Variants in CSMD1 observed in about 807,000 individuals in gnomAD.
CSMD1 encodes CUB and Sushi multiple domains 1, also known as CUB and sushi domain-containing protein 1.
In CSMD1, 213 loss-of-function variants were observed where a neutral mutation model predicts 417.5. The ratio of observed to expected loss-of-function variants is 0.51; its 90% confidence interval spans 0.46 to 0.57. The LOEUF is 0.57. Among genes scored for constraint, CSMD1 ranks in the 20% least tolerant of loss-of-function variants. The pLI, the probability that CSMD1 is intolerant of heterozygous loss-of-function variation, is 0.00. For synonymous variants in CSMD1, 2,862 were observed against 1,736.8 expected (o/e 1.65, Z -16.11); for missense variants, 6,923 against 4,529.7 (o/e 1.53, Z -15.17).
chr8:3,331,162 C>G (rs994623846), intron 23 of CSMD1, among the ~76,000 whole-genome samples: 2 of 149,080 alleles, frequency 1.3e-5, no homozygotes, highest in South Asian at 4.3e-4. Context: ...GGTGTGAACC[C>G]GGGAGGTGGA....
intron 3 of CSMD1, among the ~76,000 whole-genome samples, chr8:4,309,143 G>C (rs546862133): frequency 1.3e-5 from 2 of 152,224 alleles, no homozygotes; most frequent in South Asian, 4.1e-4. Flanking sequence ...TGCACACACA[G>C]GCCAATTCAA....
At chr8:4,867,820 G>A (rs888999410) in intron 1 of CSMD1, among the ~76,000 whole-genome samples, 25 of 151,928 alleles carry the variant, frequency 1.6e-4, no homozygotes, top group Non-Finnish European at 1.2e-4. Context: ...TACTACATGT[G>A]GCAACATTTA....
intron 26 of CSMD1, among the ~76,000 whole-genome samples, chr8:3,275,283 T>C (rs1802191831): frequency 6.6e-6 from 1 of 152,220 alleles, no homozygotes; most frequent in South Asian, 2.1e-4. Context: ...TTGTAGAGTT[T>C]CTGTCAAGAG....
intron 11 of CSMD1, among the ~76,000 whole-genome samples, chr8:3,492,892 T>C (rs896372630): frequency 3.3e-5 from 5 of 152,046 alleles, no homozygotes; most frequent in African/African-American, 1.2e-4. Context: ...GAAAGGTGTA[T>C]GGCATTATTC....
intron 1 of CSMD1, among the ~76,000 whole-genome samples, chr8:4,740,684 C>G (rs926411529): frequency 6.6e-6 from 1 of 152,170 alleles, no homozygotes; most frequent in Non-Finnish European, 1.5e-5. Context: ...AGAATCTACT[C>G]AAGGAGGGTG....
At chr8:3,602,313 C>T (rs893765793) in intron 8 of CSMD1, among the ~76,000 whole-genome samples, 1 of 152,116 alleles carries the variant, frequency 6.6e-6, no homozygotes, top group African/African-American at 2.4e-5. Flanking sequence ...TAGGGCAGAT[C>T]AATGAACACT....
chr8:4,649,766 C>T (rs980088363), intron 1 of CSMD1, among the ~76,000 whole-genome samples: 5 of 152,208 alleles, frequency 3.3e-5, no homozygotes, highest in African/African-American at 9.7e-5. Flanking sequence ...GTAGGCATTT[C>T]AGAAACTAAT....
intron 56 of CSMD1, among the ~76,000 whole-genome samples, chr8:2,974,121 G>A (rs922432405): frequency 6.6e-6 from 1 of 151,910 alleles, no homozygotes; most frequent in African/African-American, 2.4e-5. Flanking sequence ...GATGATGGTA[G>A]AGGGAGGGAA....
In CSMD1 at chr8:4,072,790, T is replaced by C. The variant is rs116016678; in HGVS notation, c.416-40691A>G. On this transcript the variant is annotated intron_variant, in intron 3 of 69. Transcript: ENST00000635120. ...ACATGGAGCCTCACAGTCATGGAAATTGAGTATGAAGCTCATAGGTTTCAA... is the reference window on the plus strand; with the variant it reads ...ACATGGAGCCTCACAGTCATGGAAACTGAGTATGAAGCTCATAGGTTTCAA... Among the ~76,000 whole-genome samples the C allele has an allele frequency of 4.3e-3, 658 of 152,302 alleles. 5 individuals carry two copies. Among genetic ancestry groups the C allele is most frequent in the African/African-American group, 0.015 (612 of 41,562 alleles).
intron 2 of CSMD1, among the ~76,000 whole-genome samples, chr8:4,616,577 G>C (rs1037838916): frequency 3.3e-5 from 5 of 152,130 alleles, no homozygotes; most frequent in African/African-American, 1.2e-4. Flanking sequence ...AGTAAACTTT[G>C]GTTAAATACA....
intron 4 of CSMD1, among the ~76,000 whole-genome samples, chr8:4,031,065 C>A (rs764512611): frequency 2.9e-4 from 44 of 152,308 alleles, no homozygotes; most frequent in Non-Finnish European, 5.4e-4. Context: ...AGCTATTCAA[C>A]AAGTCTCTAG....
chr8:4,466,582 C>T (rs1800184294), intron 2 of CSMD1, among the ~76,000 whole-genome samples: 1 of 152,122 alleles, frequency 6.6e-6, no homozygotes, highest in Admixed American at 6.5e-5. Context: ...AACAGTGTCA[C>T]AAAGTTTAGT....
In CSMD1 at chr8:4,407,048, T is replaced by G. The variant is rs373826920; in HGVS notation, c.415+12905A>C. Among the ~76,000 whole-genome samples, 7 of 152,290 alleles carry G rather than the reference T, an allele frequency of 4.6e-5. No individual in the cohort carries two copies. The East Asian group carries it at 1.2e-3, about 25-fold the overall frequency. ...CCTGTCTTGGTAAATAAAGATTTAT[T>G]GAAACACGGCCAAGGTCACTCAAGT... On this transcript the variant is annotated intron_variant, in intron 3 of 69. Transcript: ENST00000635120.
intron 37 of CSMD1, among the ~76,000 whole-genome samples, chr8:3,178,734 T>C (rs989182537): frequency 1.3e-5 from 2 of 151,854 alleles, no homozygotes; most frequent in Non-Finnish European, 2.9e-5. Context: ...AGCGTCTACT[T>C]TTTTTTTCCA....
intron 3 of CSMD1, among the ~76,000 whole-genome samples, chr8:4,145,332 A>AT (rs1309324374): frequency 1.3e-5 from 2 of 151,064 alleles, no homozygotes; most frequent in South Asian, 4.1e-4. Context: ...TTGAGGAAAA[A>AT]AATGATCCAA....
At chr8:3,296,548 C>T (rs543164613) in intron 25 of CSMD1, among the ~76,000 whole-genome samples, 3 of 152,230 alleles carry the variant, frequency 2.0e-5, no homozygotes, top group Admixed American at 1.3e-4. Context: ...GCCGTGCTTG[C>T]TTGCTCTGTT....
At chr8:4,787,962 C>G (rs563957730) in intron 1 of CSMD1, 13 of 1,594,684 alleles carry the variant, frequency 8.2e-6, no homozygotes, top group Non-Finnish European at 1.1e-5. Context: ...GAGACTCTGG[C>G]CATCAGGAGA....
At chr8:4,742,084 G>A (rs1429869684) in intron 1 of CSMD1, among the ~76,000 whole-genome samples, 3 of 132,506 alleles carry the variant, frequency 2.3e-5, no homozygotes, top group African/African-American at 5.8e-5. Flanking sequence ...AGGCTGGAGT[G>A]CAGTGGCGCA....
intron 18 of CSMD1, among the ~76,000 whole-genome samples, chr8:3,386,893 C>G (rs1404063702): frequency 6.6e-6 from 1 of 152,134 alleles, no homozygotes; most frequent in African/African-American, 2.4e-5. Flanking sequence ...TATAACTACA[C>G]ACAGCATAGT....
Sources: gnomAD v4.1 joint callset for allele counts (sites outside exome capture counted in the v4.1 genomes callset) on GRCh38, gnomAD v4.1.1 for gene constraint, MANE v1.5 for transcripts, NCBI Gene and HGNC (gene_info 2026-07-23, HGNC 2026-07-21) for gene names.